Variants in DENND3 observed in about 807,000 individuals in gnomAD.
DENND3 encodes DENN domain containing 3.
DENND3 carries 88 observed loss-of-function variants against 135.1 expected under a neutral mutation model. That is an observed-to-expected ratio of 0.65 (90% CI 0.55 to 0.78). The LOEUF (loss-of-function observed/expected upper bound fraction) is 0.78. Among genes scored for constraint, DENND3 ranks in the 30% least tolerant of loss-of-function variants. DENND3 has a pLI of 0.00. For synonymous variants in DENND3, 693 were observed against 712.3 expected, an observed-to-expected ratio of 0.97 and a Z score of 0.43; for missense variants, 1,392 against 1,688.4, an observed-to-expected ratio of 0.82 and a Z score of 3.08.
At position 141,128,993 on chromosome 8, in the gene DENND3, C is replaced by G. The variant is rs537033209; in HGVS notation, c.102+184C>G. 6.6e-6 allele frequency among the ~76,000 whole-genome samples: 1 copy of G among 152,360 alleles called. No homozygotes were observed. The highest frequency in any genetic ancestry group is 6.5e-5 in the Admixed American group (1 of 15,310). On this transcript the variant is annotated intron_variant, in intron 1 of 22. Transcript: ENST00000519811. The surrounding 1 kb of genome is among the most constrained non-coding windows in gnomAD (Gnocchi z 4.5). The stretch of plus-strand genomic sequence containing the variant: ...TCGCGCCCGAGCTCAGGCAGGTGCC[C>G]TGGAGCAGCGCCCTGCTCCCCTCCC...
At chr8:141,158,112 T>G in intron 8 of DENND3, 1 of 1,265,158 alleles carries the variant, frequency 7.9e-7, no homozygotes, top group Non-Finnish European at 1.0e-6. Flanking sequence ...CCTAAGGCCT[T>G]AAAGCCAAGC....
rs1035015893 is a variant in DENND3, at chr8:141,130,687, A to G, written c.102+1878A>G. ...TATTTTGAATGTCCAAGGCTTTTAA[A>G]TATATTTTTTTTTTTTTGAGACAGA... On this transcript the variant is annotated intron_variant, in intron 1 of 22. Coordinates refer to ENST00000519811, the MANE Select transcript of DENND3 (RefSeq NM_001352890.3). The surrounding 1 kb of genome is among the most constrained non-coding windows in gnomAD (Gnocchi z 4.2). Among the ~76,000 whole-genome samples the G allele has an allele frequency of 3.0e-5, 4 of 134,606 alleles. No homozygotes were observed. The highest frequency in any genetic ancestry group is 1.1e-4 in the African/African-American group (4 of 36,410). The allele number at this position is 134,606 out of a possible 152,430, so 88.3% of individuals were successfully genotyped here. A position where few individuals can be genotyped will look rare whatever the true frequency, so the allele number is the denominator to read the frequency against.
At chr8:141,134,172 A>G (rs1296544988) in intron 1 of DENND3, among the ~76,000 whole-genome samples, 1 of 152,222 alleles carries the variant, frequency 6.6e-6, no homozygotes, top group Admixed American at 6.5e-5. Flanking sequence ...AGAACTGTCC[A>G]TTCTGATGGG....
intron 17 of DENND3, among the ~76,000 whole-genome samples, chr8:141,181,474 C>T (rs1426360723): frequency 1.3e-5 from 2 of 152,192 alleles, no homozygotes; most frequent in Non-Finnish European, 2.9e-5. Flanking sequence ...TGGCCCTGAG[C>T]GGCCCTGAGT....
Position 141,128,618 on chromosome 8 carries a change from C to T in DENND3, c.-90C>T, listed in dbSNP as rs564416754. The T allele has an allele frequency of 2.4e-5, 19 of 782,180 alleles. No individual in the cohort carries two copies. Among genetic ancestry groups the T allele is most frequent in the Non-Finnish European group, 3.2e-5 (19 of 601,826 alleles). The allele number at this position is 782,180 out of a possible 1,614,324, so 48.5% of individuals were successfully genotyped here. A position where few individuals can be genotyped will look rare whatever the true frequency, so the allele number is the denominator to read the frequency against. On this transcript the variant is annotated 5_prime_UTR_variant, in exon 1 of 23. Coordinates refer to ENST00000519811, the MANE Select transcript of DENND3 (RefSeq NM_001352890.3). The surrounding 1 kb of genome is among the most constrained non-coding windows in gnomAD (Gnocchi z 4.5). ...ACGGCGCTCGCAGCGCCCCCGGCCC[C>T]CAGGCGGCGCGGCTGGTCCCCAGGG...
chr8:141,168,316 AG>A lies in DENND3; in HGVS notation c.2071del (p.Ala691LeufsTer7). 5 of 1,613,844 alleles carry A rather than the reference AG, an allele frequency of 3.1e-6. No individual in the cohort carries two copies. The highest frequency in any genetic ancestry group is 4.2e-6 in the Non-Finnish European group (5 of 1,179,938). On this transcript the variant is annotated frameshift_variant, in exon 13 of 23. Coordinates refer to ENST00000519811, the MANE Select transcript of DENND3 (RefSeq NM_001352890.3). LOFTEE classifies it high-confidence loss of function. The surrounding 1 kb of genome is among the most constrained non-coding windows in gnomAD (Gnocchi z 6.2). Reference sequence around the variant, plus strand: ...GAATCCATGTCTGCCCCTGAGTGGGAGGGGGCTGAGCAGGCGCCGGAGCTGA... The same window carrying A: ...GAATCCATGTCTGCCCCTGAGTGGGAGGGGCTGAGCAGGCGCCGGAGCTGA... ...TVESMSAPEWEGAEQAPELMR... is the reference protein window; with the variant it reads ...TVESMSAPEWXGAEQAPELMR...
At chr8:141,145,804 TA>T (rs1202415336) in intron 5 of DENND3, among the ~76,000 whole-genome samples, 561 of 3,332 alleles carry the variant, frequency 0.17, 12 homozygotes, top group African/African-American at 0.31. Flanking sequence ...TATTGAATAT[TA>T]TATATATATA....
intron 18 of DENND3, among the ~76,000 whole-genome samples, chr8:141,186,341 G>T (rs1407678477): frequency 6.6e-6 from 1 of 152,120 alleles, no homozygotes; most frequent in Non-Finnish European, 1.5e-5. Context: ...CTGTCCCCAC[G>T]TGCCAGGTGG....
At chr8:141,185,804 G>A (rs1422038408) in intron 18 of DENND3, among the ~76,000 whole-genome samples, 2 of 151,624 alleles carry the variant, frequency 1.3e-5, no homozygotes, top group Admixed American at 6.6e-5. Context: ...CAGCCTGGGT[G>A]ACAGAGCCAT....
chr8:141,156,354 T>C (rs1429940873), intron 8 of DENND3, among the ~76,000 whole-genome samples: 1 of 152,144 alleles, frequency 6.6e-6, no homozygotes, highest in Non-Finnish European at 1.5e-5. Flanking sequence ...CTTCCCAAAG[T>C]GCTGGGATTA....
Position 141,141,360 on chromosome 8 carries a change from G to T in DENND3, c.623+36G>T. On this transcript the variant is annotated intron_variant, in intron 4 of 22. Coordinates refer to ENST00000519811, the MANE Select transcript of DENND3 (RefSeq NM_001352890.3). The surrounding 1 kb of genome is among the most constrained non-coding windows in gnomAD (Gnocchi z 5.3). ...GCACCGGGGGCCAGGGGTGGTAGGG[G>T]GCAGCTCTTTGTGCCTCTCCAGGTG... 6.2e-7 allele frequency: 1 copy of T among 1,609,894 alleles called. No homozygotes were observed.
intron 22 of DENND3, chr8:141,192,985 G>A (rs1397165887): frequency 3.7e-6 from 4 of 1,084,094 alleles, no homozygotes; most frequent in African/African-American, 1.6e-5. Context: ...TCCCTCGGGG[G>A]CTCGGGGGGA....
intron 5 of DENND3, among the ~76,000 whole-genome samples, chr8:141,149,137 T>C (rs307755): frequency 0.072 from 10,907 of 152,226 alleles, 1,304 homozygotes; most frequent in African/African-American, 0.25. Context: ...CTTGAACTCC[T>C]GACCTCAGGT....
At chr8:141,145,801 T>A (rs1817950283) in intron 5 of DENND3, among the ~76,000 whole-genome samples, 1 of 123,690 alleles carries the variant, frequency 8.1e-6, no homozygotes, top group African/African-American at 2.8e-5. Context: ...TAATATTGAA[T>A]ATTATATATA....
intron 13 of DENND3, among the ~76,000 whole-genome samples, chr8:141,169,151 G>T (rs1415475818): frequency 6.6e-6 from 1 of 152,344 alleles, no homozygotes; most frequent in South Asian, 2.1e-4. Flanking sequence ...GAGCCACCGC[G>T]CCTGACCCTA....
In DENND3 at chr8:141,178,135, G is replaced by C; in HGVS notation, c.2775G>C (p.Gln925His). 2 of 1,613,428 alleles carry C rather than the reference G, an allele frequency of 1.2e-6. No individual in the cohort carries two copies. The highest frequency in any genetic ancestry group is 1.7e-6 in the Non-Finnish European group (2 of 1,179,342). Residue 925 changes from glutamine to histidine, a missense_variant, in exon 16 of 23, where the codon CAG (glutamine) becomes CAC (histidine). Gln to His is a conservative substitution (Grantham distance 24). Transcript: ENST00000519811. ...LLMDAVVGTL[Q>H]SPGAIYAASK... ...TGGACGCCGTCGTGGGCACACTGCA[G>C]TCACCAGGCGCCATCTACGCTGCCT...
chr8:141,137,447 G>T lies in DENND3; in HGVS notation c.386-575G>T, dbSNP rs79344159. The stretch of plus-strand genomic sequence containing the variant: ...TTGACTTAAAATGAAGTCTTGCAGT[G>T]GTTGGCAGATGGATTAAAAATACAT... On this transcript the variant is annotated intron_variant, in intron 2 of 22. Coordinates refer to ENST00000519811, the MANE Select transcript of DENND3 (RefSeq NM_001352890.3). This position sits in a 1 kb window ranked among gnomAD's most constrained non-coding sequence, Gnocchi z 4.1. Among the ~76,000 whole-genome samples the T allele has an allele frequency of 2.0e-5, 3 of 152,154 alleles. No homozygotes were observed. The highest frequency in any genetic ancestry group is 7.2e-5 in the African/African-American group (3 of 41,416).
chr8:141,185,037 C>T (rs1364525462), intron 17 of DENND3, 102 bp from the exon 18 acceptor site: 6 of 1,448,548 alleles, frequency 4.1e-6, no homozygotes, highest in African/African-American at 2.8e-5. Context: ...ATGGGCCTGG[C>T]GCTTAGGAGG....
At chr8:141,189,393 C>T (rs1005304601) in intron 19 of DENND3, among the ~76,000 whole-genome samples, 7 of 152,250 alleles carry the variant, frequency 4.6e-5, no homozygotes, top group Admixed American at 6.5e-5. Flanking sequence ...TCCTGCTGAG[C>T]TTGCTGTGGG....
Sources: allele counts gnomAD v4.1 joint callset (sites outside exome capture counted in the v4.1 genomes callset), GRCh38; gene constraint gnomAD v4.1.1; non-coding constraint Gnocchi (gnomAD v3.1); transcripts MANE v1.5; gene names NCBI Gene and HGNC (gene_info 2026-07-23, HGNC 2026-07-21).